RFTN2: variants seen among roughly 807,000 people sequenced by gnomAD.
The protein encoded by RFTN2 is raftlin-2.
In RFTN2, 34 loss-of-function variants were observed where a neutral mutation model predicts 52.7. That is an observed-to-expected ratio of 0.64 (90% confidence interval 0.49 to 0.86). RFTN2 has a LOEUF of 0.86. Among genes scored for constraint, RFTN2 ranks in the 40% least tolerant of loss-of-function variants. The pLI is 0.00. For synonymous variants in RFTN2, 203 were observed against 217.7 expected (o/e 0.93, Z 0.59); for missense variants, 536 against 600.1 (o/e 0.89, Z 1.12).
chr2:197,628,103 C>T (rs1902246), intron 5 of RFTN2, among the ~76,000 whole-genome samples: 36,279 of 151,590 alleles, frequency 0.24, 4,595 homozygotes, highest in African/African-American at 0.32. Context: ...TCAAACATAC[C>T]AAAACAAAGC....
intron 1 of RFTN2, among the ~76,000 whole-genome samples, chr2:197,672,616 T>C (rs1342283871): frequency 6.6e-6 from 1 of 152,204 alleles, no homozygotes; most frequent in Non-Finnish European, 1.5e-5. Context: ...GATCATCTTA[T>C]ATTAGGTCCT....
intron 1 of RFTN2, among the ~76,000 whole-genome samples, chr2:197,647,861 G>C (rs369576730): frequency 1.3e-5 from 2 of 152,148 alleles, no homozygotes; most frequent in African/African-American, 4.8e-5. Flanking sequence ...ACAGACTTTA[G>C]AGTAGTAAAA....
At position 197,606,568 on chromosome 2, in the gene RFTN2, G is replaced by A. The variant is rs565471013; in HGVS notation, c.1154+9308C>T. 2.6e-3 allele frequency among the ~76,000 whole-genome samples: 394 copies of A among 151,886 alleles called. 1 individual carries two copies. The highest frequency in any genetic ancestry group is 8.6e-3 in the African/African-American group (355 of 41,400). On this transcript the variant is annotated intron_variant, in intron 7 of 8. Transcript: ENST00000295049. ...ACCTACAAAATGGGAGAAAATTTTCGCAACCTACTCATCTGACAAAGGACT... is the reference window on the plus strand; with the variant it reads ...ACCTACAAAATGGGAGAAAATTTTCACAACCTACTCATCTGACAAAGGACT...
intron 8 of RFTN2, among the ~76,000 whole-genome samples, chr2:197,585,739 G>A (rs556615036): frequency 2.0e-5 from 3 of 151,996 alleles, no homozygotes; most frequent in East Asian, 1.9e-4. Context: ...CTACACCTCC[G>A]AACTTCCTTT....
intron 1 of RFTN2, among the ~76,000 whole-genome samples, chr2:197,670,011 G>A (rs185386601): frequency 6.1e-4 from 93 of 152,264 alleles, no homozygotes; most frequent in African/African-American, 2.1e-3. Context: ...GAAGCATATA[G>A]CATGGACTTG....
intron 6 of RFTN2, among the ~76,000 whole-genome samples, chr2:197,617,011 C>T (rs943864191): frequency 9.9e-5 from 15 of 152,176 alleles, no homozygotes; most frequent in African/African-American, 2.9e-4. Context: ...ATTCAGGGTG[C>T]ACAACATCAG....
intron 3 of RFTN2, among the ~76,000 whole-genome samples, chr2:197,640,314 G>T (rs1240914159): frequency 6.6e-6 from 1 of 152,172 alleles, no homozygotes; most frequent in Non-Finnish European, 1.5e-5. Flanking sequence ...CTGGGCAATG[G>T]CGGGCGCCCC....
rs1434758501 is a variant in RFTN2 at position 197,571,741 on chromosome 2, A to C, written c.*267T>G. 3 of 450,684 alleles carry C rather than the reference A, an allele frequency of 6.7e-6. No homozygotes were observed. Among genetic ancestry groups the C allele is most frequent in the Non-Finnish European group, 1.2e-5 (3 of 251,594 alleles). 27.9% of individuals were successfully genotyped at this position (450,684 alleles called of 1,614,324 possible). Reference sequence around the variant, plus strand: ...TTGTACATTCATGAGAAGCTGAAATAGATTATTGTGTAATAACCGAATGGA... The same window carrying C: ...TTGTACATTCATGAGAAGCTGAAATCGATTATTGTGTAATAACCGAATGGA... On this transcript the variant is annotated 3_prime_UTR_variant, in exon 9 of 9. Transcript: ENST00000295049.
At chr2:197,674,033 G>T (rs1250889841) in intron 1 of RFTN2, among the ~76,000 whole-genome samples, 3 of 152,052 alleles carry the variant, frequency 2.0e-5, no homozygotes, top group South Asian at 2.1e-4. Context: ...TCAAATGAAG[G>T]TTTTTGAAAA....
chr2:197,619,342 C>A (rs894526098), intron 5 of RFTN2, among the ~76,000 whole-genome samples: 1 of 152,066 alleles, frequency 6.6e-6, no homozygotes. Flanking sequence ...CGGATGGTTG[C>A]CGTGTCTGTG....
chr2:197,572,364 GC>G, intron 8 of RFTN2, 84 bp from the exon 9 acceptor site: 3 of 1,357,580 alleles, frequency 2.2e-6, no homozygotes, highest in Non-Finnish European at 3.1e-6. Context: ...CTGCCTTTCT[GC>G]CTCCAGGAAT....
At chr2:197,574,512 G>A (rs1320218355) in intron 8 of RFTN2, among the ~76,000 whole-genome samples, 1 of 146,324 alleles carries the variant, frequency 6.8e-6, no homozygotes, top group Non-Finnish European at 1.5e-5. Context: ...ATAGGCAGAA[G>A]GGACTTGCCT....
chr2:197,580,791 C>T (rs1024263799), intron 8 of RFTN2, among the ~76,000 whole-genome samples: 6 of 152,208 alleles, frequency 3.9e-5, no homozygotes, highest in Non-Finnish European at 8.8e-5. Context: ...CCTCTTAAAA[C>T]TCCCCAATTC....
At chr2:197,667,983 C>T (rs757222677) in intron 1 of RFTN2, among the ~76,000 whole-genome samples, 28 of 152,114 alleles carry the variant, frequency 1.8e-4, no homozygotes, top group Non-Finnish European at 2.9e-4. Flanking sequence ...CCTTGGCCCC[C>T]TGGGGAGCCA....
Position 197,583,993 on chromosome 2 carries a change from A to T in RFTN2, c.1234-11713T>A, listed in dbSNP as rs551257310. ...TATGGCGCATAGTATTCCATGGTGT[A>T]TATGTGCCACATTTTCTTAATCCAG... On this transcript the variant is annotated intron_variant, in intron 8 of 8. Coordinates refer to ENST00000295049, the MANE Select transcript of RFTN2 (RefSeq NM_144629.3). 7.6e-4 allele frequency among the ~76,000 whole-genome samples: 115 copies of T among 152,158 alleles called. 1 individual carries two copies. The highest frequency in any genetic ancestry group is 2.6e-3 in the African/African-American group (109 of 41,494).
intron 3 of RFTN2, among the ~76,000 whole-genome samples, chr2:197,640,441 G>A (rs148911980): frequency 0.017 from 2,505 of 151,064 alleles, 39 homozygotes; most frequent in African/African-American, 0.058. Context: ...CTCGTGGTGC[G>A]CCGTTTTTTA....
intron 5 of RFTN2, among the ~76,000 whole-genome samples, chr2:197,621,364 T>C (rs1341127637): frequency 6.6e-6 from 1 of 151,740 alleles, no homozygotes; most frequent in Non-Finnish European, 1.5e-5. Flanking sequence ...CCACCTTGCT[T>C]TATTGTGCTT....
chr2:197,593,780 G>A lies in RFTN2; in HGVS notation c.1233+2211C>T, dbSNP rs1198906050. On this transcript the variant is annotated intron_variant, in intron 8 of 8. Coordinates refer to ENST00000295049, the MANE Select transcript of RFTN2 (RefSeq NM_144629.3). ...TGTGTGCCTGTAGTCCCAGCTACTC[G>A]GGAGGCTGAGGCAGGAGAATCACTT... Among the ~76,000 whole-genome samples the A allele has an allele frequency of 2.6e-5, 4 of 151,216 alleles. No homozygotes were observed. The East Asian group carries it at 6.0e-4, about 23-fold the overall frequency.
intron 1 of RFTN2, among the ~76,000 whole-genome samples, chr2:197,670,401 T>A (rs2089128516): frequency 1.3e-5 from 2 of 152,232 alleles, no homozygotes; most frequent in African/African-American, 4.8e-5. Context: ...GTTGGGTATA[T>A]CTTTAGCTAA....
Sources: gnomAD v4.1 joint callset for allele counts (sites outside exome capture counted in the v4.1 genomes callset) on GRCh38, gnomAD v4.1.1 for gene constraint, MANE v1.5 for transcripts, NCBI Gene and HGNC (gene_info 2026-07-23, HGNC 2026-07-21) for gene names.